Variants in SYN3 observed in about 807,000 individuals in gnomAD.
The protein encoded by SYN3 is synapsin III.
In SYN3, 35 loss-of-function variants were observed where a neutral mutation model predicts 65.8. The ratio of observed to expected loss-of-function variants is 0.53; its 90% CI spans 0.41 to 0.70. The LOEUF (loss-of-function observed/expected upper bound fraction) is 0.70. SYN3 is among the 30% of genes least tolerant of loss of function. SYN3 has a pLI of 0.00. For missense variants in SYN3, 680 were observed against 749.0 expected (o/e 0.91, Z 1.08); for synonymous variants, 270 against 292.9 (o/e 0.92, Z 0.80).
chr22:32,888,180 A>AG (rs1486155590), intron 4 of SYN3, among the ~76,000 whole-genome samples: 1 of 152,178 alleles, frequency 6.6e-6, no homozygotes. Flanking sequence ...GGGATGTTTT[A>AG]GGAAAGCATA....
At chr22:33,037,276 G>A (rs772500586) in intron 1 of SYN3, among the ~76,000 whole-genome samples, 2 of 152,062 alleles carry the variant, frequency 1.3e-5, no homozygotes, top group East Asian at 3.9e-4. Context: ...TTGCCCGCTT[G>A]CTGCCCAGAT....
At chr22:32,617,172 A>G (rs1309254788) in intron 6 of SYN3, among the ~76,000 whole-genome samples, 1 of 152,218 alleles carries the variant, frequency 6.6e-6, no homozygotes, top group African/African-American at 2.4e-5. Flanking sequence ...AAACGTGCAC[A>G]TTAAAGCTGT....
At chr22:32,742,624 A>G (rs984905135) in intron 6 of SYN3, among the ~76,000 whole-genome samples, 9 of 152,192 alleles carry the variant, frequency 5.9e-5, no homozygotes, top group African/African-American at 2.2e-4. Context: ...AAAGCAATTC[A>G]GCCAAGGTCA....
intron 7 of SYN3, among the ~76,000 whole-genome samples, chr22:32,548,238 C>T (rs1266378603): frequency 6.6e-6 from 1 of 152,156 alleles, no homozygotes; most frequent in Non-Finnish European, 1.5e-5. Flanking sequence ...TGTTCCGAGC[C>T]TGCATGGGGT....
At chr22:32,974,959 T>C (rs1409656374) in intron 3 of SYN3, among the ~76,000 whole-genome samples, 4 of 152,206 alleles carry the variant, frequency 2.6e-5, no homozygotes, top group South Asian at 4.1e-4. Context: ...AGATTTCATC[T>C]TCAGTCTATC....
chr22:32,733,202 G>T (rs965091235), intron 6 of SYN3, among the ~76,000 whole-genome samples: 2 of 152,124 alleles, frequency 1.3e-5, no homozygotes, highest in African/African-American at 4.8e-5. Context: ...GCCACAAAGC[G>T]AAATTTGATT....
At chr22:32,891,388 C>T (rs1569307050) in intron 4 of SYN3, among the ~76,000 whole-genome samples, 2 of 152,152 alleles carry the variant, frequency 1.3e-5, no homozygotes, top group Non-Finnish European at 2.9e-5. Context: ...TCTGATACTT[C>T]CCATGGCTTC....
intron 5 of SYN3, among the ~76,000 whole-genome samples, chr22:32,866,474 G>A (rs2048692239): frequency 1.3e-5 from 2 of 152,326 alleles, no homozygotes; most frequent in South Asian, 2.1e-4. Context: ...GTAAGCACAT[G>A]AGTTTTGAAG....
rs2057720386 is a variant in SYN3 at position 32,513,616 on chromosome 22, C to A, written c.*76G>T. On this transcript the variant is annotated 3_prime_UTR_variant, in exon 14 of 14. Coordinates refer to ENST00000358763, the MANE Select transcript of SYN3 (RefSeq NM_003490.4). ...CCTCCATTCTGTTCCCATCAGGAAC[C>A]AAGGCTGAGAAGGAAGATGAGGCAG... The A allele has an allele frequency of 2.5e-6, 4 of 1,570,598 alleles. No homozygotes were observed. In the African/African-American group the frequency reaches 4.0e-5, roughly 16 times the overall value.
chr22:32,851,495 C>A (rs1421506728), intron 6 of SYN3, among the ~76,000 whole-genome samples: 1 of 152,154 alleles, frequency 6.6e-6, no homozygotes, highest in African/African-American at 2.4e-5. Context: ...CACTCCCAGG[C>A]TGGTGGGCTT....
At chr22:32,609,858 C>A (rs1288598070) in intron 6 of SYN3, among the ~76,000 whole-genome samples, 4 of 152,138 alleles carry the variant, frequency 2.6e-5, no homozygotes, top group Admixed American at 2.0e-4. Context: ...ATCTGACCCA[C>A]TATAGCTGCA....
intron 4 of SYN3, among the ~76,000 whole-genome samples, chr22:32,893,291 C>T (rs1412457871): frequency 6.6e-6 from 1 of 152,206 alleles, no homozygotes; most frequent in Non-Finnish European, 1.5e-5. Context: ...CTGGCACTGC[C>T]GTAGGCACTG....
intron 7 of SYN3, among the ~76,000 whole-genome samples, chr22:32,552,281 C>T (rs2058428510): frequency 6.6e-6 from 1 of 151,844 alleles, no homozygotes; most frequent in African/African-American, 2.4e-5. Flanking sequence ...ACTGAAAACA[C>T]TTTAGAAGGG....
At chr22:32,789,841 G>C (rs1372299080) in intron 6 of SYN3, among the ~76,000 whole-genome samples, 1 of 152,232 alleles carries the variant, frequency 6.6e-6, no homozygotes, top group African/African-American at 2.4e-5. Context: ...TGAACTTCAA[G>C]TTAGGTCATC....
chr22:32,676,475 T>C (rs2060443108), intron 6 of SYN3, among the ~76,000 whole-genome samples: 1 of 150,814 alleles, frequency 6.6e-6, no homozygotes, highest in Non-Finnish European at 1.5e-5. Flanking sequence ...AGCCTCCTTC[T>C]CCAGACAAAC....
intron 6 of SYN3, among the ~76,000 whole-genome samples, chr22:32,697,512 AT>A (rs1284902834): frequency 1.3e-5 from 2 of 152,212 alleles, no homozygotes; most frequent in Non-Finnish European, 2.9e-5. Flanking sequence ...AATGTACATA[AT>A]GTAATGCCTG....
At chr22:32,678,617 T>G (rs1379211071) in intron 6 of SYN3, among the ~76,000 whole-genome samples, 2 of 151,314 alleles carry the variant, frequency 1.3e-5, no homozygotes, top group African/African-American at 4.9e-5. Flanking sequence ...TCTTTCTTCC[T>G]CTTCTTCCTC....
At chr22:32,662,214 T>G (rs747933009) in intron 6 of SYN3, among the ~76,000 whole-genome samples, 9 of 152,056 alleles carry the variant, frequency 5.9e-5, no homozygotes, top group Non-Finnish European at 1.0e-4. Context: ...CTTTTCGGCA[T>G]TCTTTTCTCC....
chr22:32,688,427 T>C (rs987537844), intron 6 of SYN3, among the ~76,000 whole-genome samples: 6 of 152,164 alleles, frequency 3.9e-5, no homozygotes, highest in African/African-American at 1.4e-4. Context: ...GGAATGTTAC[T>C]GGGTTAATAT....
Sources: gnomAD v4.1 joint callset for allele counts (sites outside exome capture counted in the v4.1 genomes callset) on GRCh38, gnomAD v4.1.1 for gene constraint, MANE v1.5 for transcripts, NCBI Gene and HGNC (gene_info 2026-07-23, HGNC 2026-07-21) for gene names.